JPH3: variants seen among roughly 807,000 people sequenced by gnomAD.
JPH3 encodes junctophilin-3.
Under a neutral mutation model 59.6 loss-of-function variants are expected in JPH3, and 11 were observed. The observed-to-expected ratio is 0.18, with a 90% confidence interval of 0.12 to 0.31. The LOEUF (loss-of-function observed/expected upper bound fraction) is 0.31. JPH3 is among the 10% of genes least tolerant of loss of function. JPH3 has a pLI of 1.00. For missense variants in JPH3, 1,202 were observed against 1,105.7 expected (o/e 1.09, Z -1.24); for synonymous variants, 673 against 483.6 (o/e 1.39, Z -5.14).
Position 87,667,827 on chromosome 16 carries a change from G to GT in JPH3, c.1161-16311dup, listed in dbSNP as rs1056883930. ...GTTTTTGTTTGTTTTGTTTTGTTTTGTTTTGTTTTTGTTTTTCCTACAACC... is the reference window on the plus strand; with the variant it reads ...GTTTTTGTTTGTTTTGTTTTGTTTTGTTTTTGTTTTTGTTTTTCCTACAACC... On this transcript the variant is annotated intron_variant, in intron 2 of 4. Coordinates refer to ENST00000284262, the MANE Select transcript of JPH3 (RefSeq NM_020655.4). 2.3e-3 allele frequency among the ~76,000 whole-genome samples: 350 copies of GT among 151,910 alleles called. 2 individuals carry two copies. Among genetic ancestry groups the GT allele is most frequent in the African/African-American group, 7.6e-3 (316 of 41,402 alleles).
chr16:87,654,599 C>T (rs1426511169), intron 2 of JPH3: 1 of 152,270 alleles, frequency 6.6e-6, no homozygotes, highest in Non-Finnish European at 1.5e-5. Context: ...CCGGTGGCAG[C>T]TGGGGAATGG....
intron 2 of JPH3, among the ~76,000 whole-genome samples, chr16:87,677,185 TACACACACACACACACACAC>T (rs764055221): frequency 1.1e-5 from 1 of 95,158 alleles, no homozygotes; most frequent in African/African-American, 4.7e-5. Flanking sequence ...TATATATATA[TACACACACACACACACACAC>T]ACACACACAC....
rs1186621099 is a variant in JPH3 at position 87,611,160 on chromosome 16, C to T, written c.382+7632C>T. The stretch of plus-strand genomic sequence containing the variant: ...ATGAAAATGCAAGAAATAGGATGTC[C>T]TATGTTCTACCAGGAAGAATAAGGA... On this transcript the variant is annotated intron_variant, in intron 1 of 4. Transcript: ENST00000284262. The surrounding 1 kb of genome is among the most constrained non-coding windows in gnomAD (Gnocchi z 4.5). 6.6e-6 allele frequency among the ~76,000 whole-genome samples: 1 copy of T among 152,128 alleles called. No homozygotes were observed. Among genetic ancestry groups the T allele is most frequent in the South Asian group, 2.1e-4 (1 of 4,830 alleles).
intron 1 of JPH3, among the ~76,000 whole-genome samples, chr16:87,606,215 C>G (rs1217587479): frequency 2.0e-5 from 3 of 152,242 alleles, no homozygotes; most frequent in Non-Finnish European, 2.9e-5. Context: ...CAGCTCCACT[C>G]TGACTTTTCC....
chr16:87,684,089 C>T lies in JPH3; in HGVS notation c.1161-53C>T, dbSNP rs919899411. On this transcript the variant is annotated intron_variant, in intron 2 of 4. Transcript: ENST00000284262. ...GTTGGCAGAGTACCTCAACCCAGAC[C>T]CCTGTCACCTGTGCCCCCTGCCCCC... 2.8e-6 allele frequency: 4 copies of T among 1,412,378 alleles called. No individual in the cohort carries two copies. In the African/African-American group the frequency reaches 4.2e-5, roughly 15 times the overall value. 87.5% of individuals were successfully genotyped at this position (1,412,378 alleles called of 1,614,324 possible).
chr16:87,667,090 C>T (rs550589295), intron 2 of JPH3, among the ~76,000 whole-genome samples: 3 of 152,334 alleles, frequency 2.0e-5, no homozygotes, highest in Non-Finnish European at 4.4e-5. Context: ...GGGGAGGGTC[C>T]CTTCCGGCTT....
intron 3 of JPH3, among the ~76,000 whole-genome samples, chr16:87,688,263 G>A (rs1281344239): frequency 6.6e-6 from 1 of 152,162 alleles, no homozygotes; most frequent in African/African-American, 2.4e-5. Context: ...CTACCCAGCT[G>A]TGCCCCAAGC....
At chr16:87,670,197 A>T (rs1441710534) in intron 2 of JPH3, among the ~76,000 whole-genome samples, 3 of 152,126 alleles carry the variant, frequency 2.0e-5, no homozygotes, top group Admixed American at 2.0e-4. Context: ...CTCGGAGCCC[A>T]GCAGCGAGGG....
At chr16:87,634,836 C>T (rs186099685) in intron 1 of JPH3, among the ~76,000 whole-genome samples, 22 of 152,252 alleles carry the variant, frequency 1.4e-4, no homozygotes, top group Non-Finnish European at 2.6e-4. Flanking sequence ...GGCTGAGAGA[C>T]GCTCTGTGTG....
intron 2 of JPH3, among the ~76,000 whole-genome samples, chr16:87,661,425 G>A (rs182777846): frequency 1.8e-3 from 272 of 152,386 alleles, no homozygotes; most frequent in African/African-American, 6.0e-3. Context: ...CTCTGGGCCT[G>A]CCCTTTGCAT....
intron 3 of JPH3, among the ~76,000 whole-genome samples, chr16:87,685,316 C>T (rs2033390577): frequency 6.6e-6 from 1 of 152,258 alleles, no homozygotes; most frequent in African/African-American, 2.4e-5. Flanking sequence ...CCTTGGGCAG[C>T]TTCTATTCCA....
chr16:87,623,861 C>T (rs1162857021), intron 1 of JPH3, among the ~76,000 whole-genome samples: 2 of 152,222 alleles, frequency 1.3e-5, no homozygotes, highest in East Asian at 1.9e-4. Context: ...TGGGGTCCCC[C>T]GAGGCCGCAG....
chr16:87,677,300 C>G (rs1175356573), intron 2 of JPH3, among the ~76,000 whole-genome samples: 2 of 149,736 alleles, frequency 1.3e-5, no homozygotes, highest in African/African-American at 5.0e-5. Context: ...GAAGAATTGC[C>G]TGAACCTGGG....
At chr16:87,641,665 C>T (rs943337618) in intron 1 of JPH3, among the ~76,000 whole-genome samples, 1 of 152,276 alleles carries the variant, frequency 6.6e-6, no homozygotes, top group South Asian at 2.1e-4. Flanking sequence ...GTTGCCGATT[C>T]CTTTTTCAAC....
At chr16:87,613,850 G>C (rs528985494) in intron 1 of JPH3, among the ~76,000 whole-genome samples, 1 of 152,312 alleles carries the variant, frequency 6.6e-6, no homozygotes, top group South Asian at 2.1e-4. Flanking sequence ...ATAATGCCTT[G>C]AGATAAGGCA....
At chr16:87,638,074 C>T (rs953354016) in intron 1 of JPH3, among the ~76,000 whole-genome samples, 1 of 152,136 alleles carries the variant, frequency 6.6e-6, no homozygotes, top group Non-Finnish European at 1.5e-5. Flanking sequence ...TGCCCGCCAC[C>T]ATGCCCTGCT....
chr16:87,613,966 T>G (rs1268643828), intron 1 of JPH3, among the ~76,000 whole-genome samples: 2 of 152,104 alleles, frequency 1.3e-5, no homozygotes, highest in African/African-American at 4.8e-5. Flanking sequence ...TTTCCGGCGC[T>G]CCGAGATGCC....
chr16:87,649,241 C>T (rs1301180149), intron 2 of JPH3, among the ~76,000 whole-genome samples: 1 of 152,230 alleles, frequency 6.6e-6, no homozygotes, highest in Non-Finnish European at 1.5e-5. Context: ...GGAACTCCCA[C>T]TAGTGAAAGT....
At chr16:87,684,291 G>C (rs2033365031) in intron 3 of JPH3, 25 bp downstream of exon 3, 1 of 1,612,184 alleles carries the variant, frequency 6.2e-7, no homozygotes, top group African/African-American at 1.3e-5. Flanking sequence ...GCCTGATACT[G>C]GCATCGTGGG....
Sources: allele counts gnomAD v4.1 joint callset (sites outside exome capture counted in the v4.1 genomes callset), GRCh38; gene constraint gnomAD v4.1.1; non-coding constraint Gnocchi (gnomAD v3.1); transcripts MANE v1.5; gene names NCBI Gene and HGNC (gene_info 2026-07-23, HGNC 2026-07-21).